The following DRC9 variants were observed in gnomAD, a reference collection of about 807,000 sequenced individuals.
DRC9 encodes dynein regulatory complex protein 9.
At chr3:197,952,162 G>GTTTTTT in the DRC9 span, among the ~76,000 whole-genome samples, 84 of 83,900 alleles carry the variant, frequency 1.0e-3, 2 homozygotes, top group African/African-American at 4.0e-3. Flanking sequence ...AAAATTATGG[G>GTTTTTT]TTTTTTTTTT....
the DRC9 span, among the ~76,000 whole-genome samples, chr3:197,940,874 A>G: frequency 6.6e-6 from 1 of 152,338 alleles, no homozygotes; most frequent in East Asian, 1.9e-4. Flanking sequence ...ACACTACAGT[A>G]AAATCACAAG....
the DRC9 span, among the ~76,000 whole-genome samples, chr3:197,936,830 C>T: frequency 1.3e-5 from 2 of 152,094 alleles, no homozygotes; most frequent in East Asian, 1.9e-4. Context: ...GGAAAAGATA[C>T]GAGCCACACA....
At chr3:197,927,367 C>T in the DRC9 span, among the ~76,000 whole-genome samples, 21 of 152,294 alleles carry the variant, frequency 1.4e-4, no homozygotes, top group Non-Finnish European at 2.9e-4. Context: ...GCTGGGATTA[C>T]AGGCATGTGC....
the DRC9 span, chr3:197,913,374 T>C: frequency 8.8e-6 from 2 of 227,806 alleles, no homozygotes; most frequent in East Asian, 2.0e-4. Flanking sequence ...GTGTGCCATT[T>C]AGCATTCCCC....
chr3:197,940,331 A>G, the DRC9 span, among the ~76,000 whole-genome samples: 4 of 149,662 alleles, frequency 2.7e-5, no homozygotes, highest in African/African-American at 9.8e-5. Context: ...ATATAATAAT[A>G]TATTTTATAT....
chr3:197,924,055 T>A, the DRC9 span, among the ~76,000 whole-genome samples: 1 of 150,260 alleles, frequency 6.7e-6, no homozygotes, highest in Non-Finnish European at 1.5e-5. Flanking sequence ...GAAGATCCTG[T>A]GTCTACAACA....
the DRC9 span, among the ~76,000 whole-genome samples, chr3:197,926,446 C>G: frequency 1.3e-5 from 2 of 152,296 alleles, no homozygotes; most frequent in East Asian, 3.9e-4. Flanking sequence ...AAGAAGAATC[C>G]TTTCTACTTT....
the DRC9 span, among the ~76,000 whole-genome samples, chr3:197,953,001 A>T: frequency 6.6e-6 from 1 of 150,948 alleles, no homozygotes; most frequent in African/African-American, 2.4e-5. Flanking sequence ...GGGTTTCACC[A>T]TGTTGGCCAG....
At chr3:197,891,326 C>T in the DRC9 span, 1 of 593,304 alleles carries the variant, frequency 1.7e-6, no homozygotes, top group East Asian at 2.9e-5. Context: ...AAAGTCCATG[C>T]TTCTTCTCAG....
At chr3:197,906,443 T>C in the DRC9 span, 1 of 152,090 alleles carries the variant, frequency 6.6e-6, no homozygotes, top group East Asian at 1.9e-4. Flanking sequence ...TTTTCTTTTT[T>C]TTTTTTCCCT....
chr3:197,960,170 C>A, the DRC9 span: 38 of 1,496,500 alleles, frequency 2.5e-5, no homozygotes, highest in Non-Finnish European at 2.8e-5. Context: ...CTCCGTCTAC[C>A]CCCAGCGGCG....
the DRC9 span, among the ~76,000 whole-genome samples, chr3:197,935,486 G>GTTAA: frequency 6.6e-6 from 1 of 151,192 alleles, no homozygotes; most frequent in Non-Finnish European, 1.5e-5. Context: ...TTTTAAAATT[G>GTTAA]TTAATTAATT....
At chr3:197,931,397 G>C in the DRC9 span, among the ~76,000 whole-genome samples, 5 of 151,864 alleles carry the variant, frequency 3.3e-5, no homozygotes, top group Non-Finnish European at 5.9e-5. Flanking sequence ...CAGGGGAATC[G>C]CTTGAACCTG....
the DRC9 span, among the ~76,000 whole-genome samples, chr3:197,909,850 A>C: frequency 6.6e-6 from 1 of 152,040 alleles, no homozygotes; most frequent in South Asian, 2.1e-4. Flanking sequence ...AAAATTAGCC[A>C]GGTGTGGTGG....
the DRC9 span, chr3:197,891,307 A>G: frequency 1.9e-6 from 1 of 540,462 alleles, no homozygotes; most frequent in Non-Finnish European, 3.4e-6. Context: ...GCAAATTCTA[A>G]TAATAACAAA....
the DRC9 span, chr3:197,953,693 T>G: frequency 2.2e-6 from 1 of 445,430 alleles, no homozygotes; most frequent in South Asian, 2.0e-5. Context: ...ACAAATATCC[T>G]CACACTTGTC....
chr3:197,917,615 T>C, the DRC9 span, among the ~76,000 whole-genome samples: 2 of 152,214 alleles, frequency 1.3e-5, no homozygotes, highest in Non-Finnish European at 2.9e-5. Flanking sequence ...GCACAACTTA[T>C]ATGCTCAATA....
At chr3:197,953,389 A>G in the DRC9 span, 6 of 456,052 alleles carry the variant, frequency 1.3e-5, no homozygotes, top group Non-Finnish European at 2.6e-5. Context: ...AAGGAAATAT[A>G]TATAAAGTCA....
chr3:197,943,985 T>C, the DRC9 span: 16 of 1,614,130 alleles, frequency 9.9e-6, no homozygotes, highest in South Asian at 2.2e-5. Context: ...GTGGTTCGCC[T>C]GTCACTGACA....
Sources: allele counts gnomAD v4.1 joint callset (sites outside exome capture counted in the v4.1 genomes callset), GRCh38; gene constraint gnomAD v4.1.1; transcripts MANE v1.5; gene names NCBI Gene and HGNC (gene_info 2026-07-23, HGNC 2026-07-21).